Variants in TLE4 observed in about 807,000 individuals in gnomAD.
TLE4 encodes the protein TLE family member 4, transcriptional corepressor.
TLE4 carries 8 observed loss-of-function variants against 92.8 expected under a neutral mutation model. The ratio of observed to expected loss-of-function variants is 0.09; its 90% confidence interval spans 0.05 to 0.16. The LOEUF (loss-of-function observed/expected upper bound fraction) is 0.16, where lower values mean the gene tolerates loss of function less well. TLE4 is among the 10% of genes least tolerant of loss of function. The pLI is 1.00. For synonymous variants in TLE4, 371 were observed against 374.1 expected (o/e 0.99, Z 0.10); for missense variants, 675 against 997.6 (o/e 0.68, Z 4.36).
intron 8 of TLE4, among the ~76,000 whole-genome samples, chr9:79,655,147 A>G: frequency 6.8e-6 from 1 of 147,838 alleles, no homozygotes; most frequent in East Asian, 1.9e-4. Context: ...TCTCAAAAAT[A>G]CATACATACA....
At chr9:79,724,042 A>G (rs959109918) in intron 19 of TLE4, among the ~76,000 whole-genome samples, 10 of 152,216 alleles carry the variant, frequency 6.6e-5, no homozygotes, top group African/African-American at 2.4e-4. Flanking sequence ...CCTTCATACT[A>G]CAGTTGAATA....
intron 6 of TLE4, among the ~76,000 whole-genome samples, chr9:79,640,161 A>G (rs1165436421): frequency 6.6e-6 from 1 of 152,136 alleles, no homozygotes; most frequent in African/African-American, 2.4e-5. Context: ...ATTTACTCAG[A>G]TGGGGCAGAA....
intron 15 of TLE4, among the ~76,000 whole-genome samples, chr9:79,719,701 G>A (rs747914643): frequency 5.3e-5 from 8 of 152,134 alleles, no homozygotes; most frequent in Non-Finnish European, 1.2e-4. Flanking sequence ...TCCAAGTTTG[G>A]ATACTCCAAG....
chr9:79,639,365 C>A (rs1348576465), intron 6 of TLE4, among the ~76,000 whole-genome samples: 2 of 152,180 alleles, frequency 1.3e-5, no homozygotes, highest in Admixed American at 6.6e-5. Flanking sequence ...GGACAGACCA[C>A]ATATATGACA....
intron 4 of TLE4, among the ~76,000 whole-genome samples, chr9:79,582,639 C>CT (rs35195007): frequency 0.18 from 20,553 of 115,510 alleles, 2,121 homozygotes; most frequent in African/African-American, 0.28. Context: ...TTTAATGTGG[C>CT]TTTTTTTTTT....
At chr9:79,663,158 A>G (rs2060823180) in intron 8 of TLE4, among the ~76,000 whole-genome samples, 1 of 152,196 alleles carries the variant, frequency 6.6e-6, no homozygotes, top group African/African-American at 2.4e-5. Flanking sequence ...GCTAGCGGCA[A>G]CGGCAATCAT....
chr9:79,587,601 G>A (rs769275487), intron 4 of TLE4, among the ~76,000 whole-genome samples: 28 of 151,596 alleles, frequency 1.8e-4, no homozygotes, highest in Non-Finnish European at 3.5e-4. Flanking sequence ...TTTTGTTTTT[G>A]TGTTTGTATT....
chr9:79,704,495 TC>T, intron 8 of TLE4: 3 of 412,234 alleles, frequency 7.3e-6, no homozygotes, highest in Non-Finnish European at 1.3e-5. Flanking sequence ...TTACACTAAT[TC>T]CTGCCACCCT....
chr9:79,640,948 T>C (rs2057008308), intron 6 of TLE4, among the ~76,000 whole-genome samples: 1 of 151,944 alleles, frequency 6.6e-6, no homozygotes, highest in African/African-American at 2.4e-5. Context: ...TACTAAGAAA[T>C]AGATTCACTT....
chr9:79,707,182 G>A (rs1330510100), intron 11 of TLE4: 7 of 1,612,902 alleles, frequency 4.3e-6, no homozygotes, highest in South Asian at 2.2e-5. Flanking sequence ...AATGCACATT[G>A]GGGTTACAGA....
chr9:79,661,925 CA>C (rs2060580323), intron 8 of TLE4, among the ~76,000 whole-genome samples: 1 of 152,178 alleles, frequency 6.6e-6, no homozygotes, highest in Non-Finnish European at 1.5e-5. Context: ...CTCCTCCTCC[CA>C]ACCCCTGGGT....
chr9:79,582,031 C>T (rs1258911985), intron 4 of TLE4, among the ~76,000 whole-genome samples: 1 of 152,150 alleles, frequency 6.6e-6, no homozygotes, highest in Non-Finnish European at 1.5e-5. Context: ...TGTTTACAAA[C>T]TTGTTCTTCT....
In TLE4 at chr9:79,572,429, G is replaced by C. The variant is rs951018125; in HGVS notation, c.-362G>C. 1 of 152,682 alleles carries C rather than the reference G, an allele frequency of 6.5e-6. No homozygotes were observed. Among genetic ancestry groups the C allele is most frequent in the Non-Finnish European group, 1.5e-5 (1 of 68,504 alleles). The allele number at this position is 152,682 out of a possible 1,614,324, so 9.5% of individuals were successfully genotyped here. A position where few individuals can be genotyped will look rare whatever the true frequency, so the allele number is the denominator to read the frequency against. On this transcript the variant is annotated 5_prime_UTR_variant, in exon 1 of 20. Coordinates refer to ENST00000376552, the MANE Select transcript of TLE4 (RefSeq NM_007005.6). ...CGAGCGAGAGGAGCTGCCGGCGGGCGGTGGGGCGCGGAGCCCGCACTTTCC... is the reference window on the plus strand; with the variant it reads ...CGAGCGAGAGGAGCTGCCGGCGGGCCGTGGGGCGCGGAGCCCGCACTTTCC...
At chr9:79,590,558 C>T (rs1356175157) in intron 4 of TLE4, among the ~76,000 whole-genome samples, 1 of 152,160 alleles carries the variant, frequency 6.6e-6, no homozygotes, top group Non-Finnish European at 1.5e-5. Context: ...TTTCCAAAGG[C>T]TCCATATGGC....
chr9:79,724,169 CTT>C (rs60841110), intron 19 of TLE4, among the ~76,000 whole-genome samples: 3 of 141,602 alleles, frequency 2.1e-5, no homozygotes, highest in African/African-American at 5.2e-5. Context: ...TTTTTACATT[CTT>C]TTTTTTTTTT....
chr9:79,649,548 GT>G (rs1174411475), intron 6 of TLE4: 2 of 180,162 alleles, frequency 1.1e-5, no homozygotes, highest in Non-Finnish European at 2.3e-5. Context: ...ATGAAGGAGA[GT>G]TGGAGAGTTG....
At chr9:79,636,634 G>T (rs2055909188) in intron 6 of TLE4, among the ~76,000 whole-genome samples, 1 of 152,078 alleles carries the variant, frequency 6.6e-6, no homozygotes, top group Non-Finnish European at 1.5e-5. Flanking sequence ...TATTTCCTGA[G>T]GAAGGACTTT....
At chr9:79,702,902 A>T (rs1300951421) in intron 8 of TLE4, among the ~76,000 whole-genome samples, 1 of 152,180 alleles carries the variant, frequency 6.6e-6, no homozygotes, top group African/African-American at 2.4e-5. Context: ...GAAATGCCAC[A>T]AAAGAGATTG....
At chr9:79,640,493 AAT>A (rs1205646377) in intron 6 of TLE4, among the ~76,000 whole-genome samples, 2 of 151,708 alleles carry the variant, frequency 1.3e-5, no homozygotes, top group Non-Finnish European at 2.9e-5. Flanking sequence ...TATAAGACAA[AAT>A]TCTATTCATA....
Sources: allele counts gnomAD v4.1 joint callset (sites outside exome capture counted in the v4.1 genomes callset), GRCh38; gene constraint gnomAD v4.1.1; transcripts MANE v1.5; gene names NCBI Gene and HGNC (gene_info 2026-07-23, HGNC 2026-07-21).